The following PTPRD variants were observed in gnomAD, a reference collection of about 807,000 sequenced individuals.
PTPRD encodes the protein receptor-type tyrosine-protein phosphatase delta.
A neutral mutation model predicts 214.5 loss-of-function variants in PTPRD; 34 were observed. The ratio of observed to expected loss-of-function variants is 0.16; its 90% CI spans 0.12 to 0.21. PTPRD has a LOEUF of 0.21. Ranked by LOEUF, PTPRD falls within the 10% of genes least tolerant of loss-of-function variation. PTPRD has a pLI of 1.00. For synonymous variants in PTPRD, 1,128 were observed against 845.7 expected (o/e 1.33, Z -5.79); for missense variants, 2,545 against 2,398.7 (o/e 1.06, Z -1.27).
intron 6 of PTPRD, among the ~76,000 whole-genome samples, chr9:9,765,313 T>C (rs2098697586): frequency 6.6e-6 from 1 of 152,084 alleles, no homozygotes; most frequent in South Asian, 2.1e-4. Context: ...AAAATATGAG[T>C]ATGTACATAT....
intron 31 of PTPRD, among the ~76,000 whole-genome samples, chr9:8,468,610 G>C (rs538697395): frequency 6.6e-6 from 1 of 151,970 alleles, no homozygotes; most frequent in African/African-American, 2.4e-5. Context: ...GCCTAGATAT[G>C]AGGTATACGT....
At chr9:8,523,409 C>T (rs560925584) in intron 19 of PTPRD, 104 bp downstream of exon 19, 3 of 1,386,622 alleles carry the variant, frequency 2.2e-6, no homozygotes, top group African/African-American at 2.9e-5. Flanking sequence ...TACCATTAAC[C>T]AAAAGAAGAA....
At chr9:10,496,333 G>A (rs1166543871) in intron 2 of PTPRD, among the ~76,000 whole-genome samples, 5 of 151,734 alleles carry the variant, frequency 3.3e-5, no homozygotes, top group Non-Finnish European at 5.9e-5. Context: ...GGCATTTTTC[G>A]AACATCAGGC....
At chr9:8,919,205 C>G (rs1408759955) in intron 11 of PTPRD, among the ~76,000 whole-genome samples, 1 of 152,018 alleles carries the variant, frequency 6.6e-6, no homozygotes, top group East Asian at 1.9e-4. Flanking sequence ...CCAGCCTGGT[C>G]AACATGGCGA....
chr9:8,966,046 A>G (rs893632680), intron 11 of PTPRD, among the ~76,000 whole-genome samples: 8 of 152,142 alleles, frequency 5.3e-5, no homozygotes, highest in African/African-American at 1.9e-4. Flanking sequence ...ATAGCTGCAC[A>G]TGCACAAAAA....
At chr9:9,913,024 T>A (rs767425487) in intron 5 of PTPRD, among the ~76,000 whole-genome samples, 10 of 152,176 alleles carry the variant, frequency 6.6e-5, no homozygotes, top group Non-Finnish European at 1.3e-4. Context: ...TTCTTATAAG[T>A]TTTTTTAAGT....
chr9:8,809,506 C>A (rs1159253569), intron 11 of PTPRD, among the ~76,000 whole-genome samples: 1 of 152,186 alleles, frequency 6.6e-6, no homozygotes, highest in Non-Finnish European at 1.5e-5. Flanking sequence ...TCCATTTACA[C>A]CTCCCTGAAA....
chr9:9,464,293 C>T (rs1465598563), intron 8 of PTPRD, among the ~76,000 whole-genome samples: 1 of 152,062 alleles, frequency 6.6e-6, no homozygotes. Flanking sequence ...TCCCTCTCAC[C>T]CTCCCTGCTT....
intron 3 of PTPRD, among the ~76,000 whole-genome samples, chr9:10,205,833 A>C (rs973942624): frequency 6.6e-6 from 1 of 152,196 alleles, no homozygotes; most frequent in Non-Finnish European, 1.5e-5. Flanking sequence ...TATAACTTTA[A>C]AAATAGGGTT....
chr9:9,288,311 T>C (rs1488244935), intron 9 of PTPRD, among the ~76,000 whole-genome samples: 1 of 151,906 alleles, frequency 6.6e-6, no homozygotes, highest in African/African-American at 2.4e-5. Flanking sequence ...GCTATGTATG[T>C]AAAATATAAA....
chr9:8,625,718 A>G (rs1048464644), intron 14 of PTPRD, among the ~76,000 whole-genome samples: 1 of 151,768 alleles, frequency 6.6e-6, no homozygotes, highest in Non-Finnish European at 1.5e-5. Flanking sequence ...TAATGCATGG[A>G]TAAAGTTTAA....
intron 35 of PTPRD, among the ~76,000 whole-genome samples, chr9:8,414,589 A>G (rs1193461178): frequency 6.7e-6 from 1 of 150,302 alleles, no homozygotes; most frequent in East Asian, 1.9e-4. Context: ...AGATGGAAGG[A>G]TAAATATTCC....
At chr9:9,707,683 CT>C (rs1051540611) in intron 7 of PTPRD, among the ~76,000 whole-genome samples, 3 of 152,076 alleles carry the variant, frequency 2.0e-5, no homozygotes, top group Admixed American at 6.6e-5. Flanking sequence ...TAAAATACAA[CT>C]TTTTTCTAAA....
intron 11 of PTPRD, chr9:8,862,380 A>C (rs1248319107): frequency 1.3e-5 from 2 of 152,176 alleles, no homozygotes; most frequent in Non-Finnish European, 2.9e-5. Flanking sequence ...AAGCAGCCAG[A>C]CAACCCTATC....
intron 10 of PTPRD, among the ~76,000 whole-genome samples, chr9:9,106,092 TA>T (rs2154445377): frequency 6.6e-6 from 1 of 152,232 alleles, no homozygotes; most frequent in African/African-American, 2.4e-5. Flanking sequence ...CAACTACAAC[TA>T]CAACATAGCA....
intron 7 of PTPRD, among the ~76,000 whole-genome samples, chr9:9,667,425 T>C (rs555440817): frequency 1.3e-5 from 2 of 152,254 alleles, no homozygotes; most frequent in South Asian, 4.1e-4. Context: ...CAAAACTGTC[T>C]CTCCATCAGT....
rs140711536 is a variant in PTPRD, at chr9:8,492,896, G to A, written c.2433C>T (p.Arg811=). The part of the protein sequence containing the change: ...TAYTTKGDGA[R]SKPKLVSTTG... ...TGGTGGACACCAGTTTGGGCTTGCT[G>A]CGAGCACCATCTCCTTTGGTTGTGT... The change falls in exon 27 of 46, where the codon CGC becomes CGT. Residue 811 remains arginine (R), a synonymous_variant. Coordinates refer to ENST00000381196, the MANE Select transcript of PTPRD (RefSeq NM_002839.4). The A allele has an allele frequency of 5.3e-5, 86 of 1,613,814 alleles. No individual in the cohort carries two copies. In the African/African-American group the frequency reaches 9.6e-4, roughly 18 times the overall value.
chr9:8,422,137 A>G (rs2094407308), intron 35 of PTPRD, among the ~76,000 whole-genome samples: 1 of 114,076 alleles, frequency 8.8e-6, no homozygotes, highest in Admixed American at 1.1e-4. Flanking sequence ...AAAGAGAGAG[A>G]CCCTGTCTCC....
intron 44 of PTPRD, among the ~76,000 whole-genome samples, chr9:8,327,412 T>TTTCCA (rs1482389077): frequency 3.9e-4 from 59 of 151,958 alleles, no homozygotes; most frequent in African/African-American, 1.4e-3. Context: ...TTTGTTATGA[T>TTTCCA]TTCTGTTCTT....
Sources: allele counts gnomAD v4.1 joint callset (sites outside exome capture counted in the v4.1 genomes callset), GRCh38; gene constraint gnomAD v4.1.1; transcripts MANE v1.5; gene names NCBI Gene and HGNC (gene_info 2026-07-23, HGNC 2026-07-21).